Variants in TTC27 observed in about 807,000 individuals in gnomAD.
The protein encoded by TTC27 is tetratricopeptide repeat protein 27.
TTC27 carries 79 observed loss-of-function variants against 115.9 expected under a neutral mutation model. That is an observed-to-expected ratio of 0.68 (90% confidence interval 0.57 to 0.82). The LOEUF (loss-of-function observed/expected upper bound fraction) is 0.82. Ranked by LOEUF, TTC27 falls within the 40% of genes least tolerant of loss-of-function variation. TTC27 has a pLI of 0.00. For synonymous variants in TTC27, 401 were observed against 356.0 expected, an observed-to-expected ratio of 1.13 and a Z score of -1.42; for missense variants, 1,054 against 993.1, an observed-to-expected ratio of 1.06 and a Z score of -0.82.
At chr2:32,690,690 A>C (rs1368019786) in intron 9 of TTC27, among the ~76,000 whole-genome samples, 1 of 152,218 alleles carries the variant, frequency 6.6e-6, no homozygotes, top group Admixed American at 6.5e-5. Flanking sequence ...AGGGAAAAGT[A>C]GATTTGAAAA....
At chr2:32,800,672 A>AT (rs986961810) in intron 16 of TTC27, among the ~76,000 whole-genome samples, 4 of 148,674 alleles carry the variant, frequency 2.7e-5, no homozygotes, top group South Asian at 2.1e-4. Context: ...TAATTTTTGT[A>AT]TTTTTTTAGT....
chr2:32,806,407 T>C (rs1276127402), intron 16 of TTC27, among the ~76,000 whole-genome samples: 1 of 152,222 alleles, frequency 6.6e-6, no homozygotes, highest in Non-Finnish European at 1.5e-5. Flanking sequence ...ATATGTTACA[T>C]TAAAAGTTAC....
chr2:32,715,184 T>A (rs1667713049), intron 10 of TTC27, among the ~76,000 whole-genome samples: 1 of 152,188 alleles, frequency 6.6e-6, no homozygotes, highest in Admixed American at 6.5e-5. Context: ...TAGGTTATCT[T>A]CCAGGGATTT....
intron 16 of TTC27, among the ~76,000 whole-genome samples, chr2:32,795,072 T>C (rs1489689853): frequency 6.6e-6 from 1 of 151,804 alleles, no homozygotes; most frequent in Non-Finnish European, 1.5e-5. Context: ...GGAACACCTC[T>C]TGGCTCATGC....
intron 3 of TTC27, among the ~76,000 whole-genome samples, chr2:32,636,769 A>G (rs1207313300): frequency 6.6e-6 from 1 of 152,330 alleles, no homozygotes; most frequent in East Asian, 1.9e-4. Flanking sequence ...TGCCATTAAC[A>G]AAGAGATTTG....
chr2:32,647,465 T>C (rs1664907536), intron 4 of TTC27, among the ~76,000 whole-genome samples: 1 of 152,138 alleles, frequency 6.6e-6, no homozygotes, highest in African/African-American at 2.4e-5. Flanking sequence ...TGTCTGAAAT[T>C]TCTTTGCTAT....
chr2:32,640,185 T>G lies in TTC27; in HGVS notation c.397-85T>G, dbSNP rs1664586746. Reference sequence around the variant, plus strand: ...GCTTTTGTTTCAAAGCTGAGTTGACTGGAAAATCTTTGTATTATTACAAGA... The same window carrying G: ...GCTTTTGTTTCAAAGCTGAGTTGACGGGAAAATCTTTGTATTATTACAAGA... On this transcript the variant is annotated intron_variant, in intron 3 of 19. Coordinates refer to ENST00000317907, the MANE Select transcript of TTC27 (RefSeq NM_017735.5). 9.9e-6 allele frequency: 13 copies of G among 1,312,880 alleles called. No individual in the cohort carries two copies. In the East Asian group the frequency reaches 3.3e-4, roughly 33 times the overall value. 81.3% of individuals were successfully genotyped at this position (1,312,880 alleles called of 1,614,324 possible).
chr2:32,723,666 T>G (rs981358134), intron 10 of TTC27, among the ~76,000 whole-genome samples: 1 of 150,842 alleles, frequency 6.6e-6, no homozygotes, highest in Non-Finnish European at 1.5e-5. Flanking sequence ...ATGAAAGTAG[T>G]AGCTAATTAT....
chr2:32,778,891 A>G (rs746653743), intron 14 of TTC27, among the ~76,000 whole-genome samples: 2 of 152,180 alleles, frequency 1.3e-5, no homozygotes, highest in African/African-American at 2.4e-5. Flanking sequence ...TGGTAGCTCT[A>G]TATTCAGAAT....
intron 16 of TTC27, among the ~76,000 whole-genome samples, chr2:32,802,908 T>G (rs1280813536): frequency 6.6e-6 from 1 of 152,250 alleles, no homozygotes; most frequent in African/African-American, 2.4e-5. Context: ...TAACTCTTTT[T>G]CACATAGTCT....
Position 32,638,979 on chromosome 2 carries a change from C to G in TTC27, c.397-1291C>G, listed in dbSNP as rs189515613. 8.7e-4 allele frequency among the ~76,000 whole-genome samples: 133 copies of G among 152,098 alleles called. No individual in the cohort carries two copies. The East Asian group carries it at 0.021, about 24-fold the overall frequency. On this transcript the variant is annotated intron_variant, in intron 3 of 19. Coordinates refer to ENST00000317907, the MANE Select transcript of TTC27 (RefSeq NM_017735.5). ...TCCCAAGTAGCTGGGACTACAGGCA[C>G]CCACCACCACGCCCGGCTAATTTTT... is the stretch of plus-strand genomic sequence containing the variant.
intron 4 of TTC27, among the ~76,000 whole-genome samples, chr2:32,645,331 A>G (rs1300771650): frequency 6.6e-6 from 1 of 152,178 alleles, no homozygotes; most frequent in Non-Finnish European, 1.5e-5. Flanking sequence ...TTCCATTTAT[A>G]AAATGGGATA....
intron 13 of TTC27, among the ~76,000 whole-genome samples, chr2:32,774,031 C>A (rs1419415869): frequency 6.6e-6 from 1 of 152,028 alleles, no homozygotes; most frequent in Non-Finnish European, 1.5e-5. Flanking sequence ...GTTGAATTCA[C>A]ATCTTTGAAT....
Position 32,777,968 on chromosome 2 carries a change from T to C in TTC27, c.1767T>C (p.Thr589=). The change falls in exon 14 of 20, where the codon ACT becomes ACC. Residue 589 remains threonine (T), a synonymous_variant. Transcript: ENST00000317907. ...GSAKAFQRCV[T]LEPDNAEAWN... ...CAAAGGCATTTCAGCGCTGTGTGACTCTAGAACCCGATGTAAGTTTGTTTG... is the reference window on the plus strand; with the variant it reads ...CAAAGGCATTTCAGCGCTGTGTGACCCTAGAACCCGATGTAAGTTTGTTTG... The C allele has an allele frequency of 6.2e-7, 1 of 1,614,126 alleles. No homozygotes were observed. The highest frequency in any genetic ancestry group is 8.5e-7 in the Non-Finnish European group (1 of 1,180,000).
chr2:32,687,572 A>G (rs1181616218), intron 9 of TTC27, among the ~76,000 whole-genome samples: 10 of 152,226 alleles, frequency 6.6e-5, no homozygotes, highest in African/African-American at 1.9e-4. Context: ...TGTACTTTGA[A>G]TGTAAAGACT....
At chr2:32,810,134 T>C (rs923870050) in intron 16 of TTC27, among the ~76,000 whole-genome samples, 1 of 141,282 alleles carries the variant, frequency 7.1e-6, no homozygotes, top group Non-Finnish European at 1.5e-5. Context: ...AAAAAAATGG[T>C]GAGCCAACCT....
chr2:32,748,834 T>C (rs527420357), intron 12 of TTC27, among the ~76,000 whole-genome samples: 5 of 152,108 alleles, frequency 3.3e-5, no homozygotes, highest in African/African-American at 1.2e-4. Context: ...ATTACAGGTT[T>C]ACGCCACCAT....
intron 9 of TTC27, among the ~76,000 whole-genome samples, chr2:32,683,571 C>G (rs1666518940): frequency 1.3e-5 from 2 of 152,032 alleles, no homozygotes; most frequent in African/African-American, 4.8e-5. Flanking sequence ...AGAAACTTGT[C>G]CTAAGAGGAA....
At chr2:32,773,879 C>T (rs569671501) in intron 13 of TTC27, among the ~76,000 whole-genome samples, 1 of 152,236 alleles carries the variant, frequency 6.6e-6, no homozygotes, top group South Asian at 2.1e-4. Context: ...TATTCCAGGG[C>T]CTATGTCAGT....
Sources: allele counts gnomAD v4.1 joint callset (sites outside exome capture counted in the v4.1 genomes callset), GRCh38; gene constraint gnomAD v4.1.1; transcripts MANE v1.5; gene names NCBI Gene and HGNC (gene_info 2026-07-23, HGNC 2026-07-21).